SNTG1: variants seen among roughly 807,000 people sequenced by gnomAD.
SNTG1 encodes the protein gamma-1-syntrophin.
Under a neutral mutation model 74.7 loss-of-function variants are expected in SNTG1, and 39 were observed. That is an observed-to-expected ratio of 0.52 (90% confidence interval 0.40 to 0.68). The LOEUF is 0.68. Ranked by LOEUF, SNTG1 falls within the 30% of genes least tolerant of loss-of-function variation. The pLI, the probability that SNTG1 is intolerant of heterozygous loss-of-function variation, is 0.00. For synonymous variants in SNTG1, 254 were observed against 217.1 expected (o/e 1.17, Z -1.49); for missense variants, 685 against 609.5 (o/e 1.12, Z -1.30).
chr8:50,079,867 G>A (rs1447881561), intron 1 of SNTG1, among the ~76,000 whole-genome samples: 5 of 152,092 alleles, frequency 3.3e-5, no homozygotes, highest in Non-Finnish European at 5.9e-5. Flanking sequence ...TAGATGTGTG[G>A]TGTTATTTCT....
chr8:50,786,042 A>G (rs2095674164), intron 18 of SNTG1, among the ~76,000 whole-genome samples: 1 of 152,018 alleles, frequency 6.6e-6, no homozygotes, highest in Admixed American at 6.6e-5. Context: ...AAAAGGATGT[A>G]TGCCCTCCCC....
intron 1 of SNTG1, among the ~76,000 whole-genome samples, chr8:50,128,352 T>C (rs1185153258): frequency 1.3e-5 from 2 of 152,148 alleles, no homozygotes; most frequent in East Asian, 1.9e-4. Flanking sequence ...CTTGTAACAA[T>C]GGTTCTTGTC....
chr8:50,217,170 G>A (rs1328273727), intron 2 of SNTG1, among the ~76,000 whole-genome samples: 2 of 151,868 alleles, frequency 1.3e-5, no homozygotes, highest in African/African-American at 4.8e-5. Flanking sequence ...ACTTCATCAT[G>A]ATATGACTAC....
intron 1 of SNTG1, among the ~76,000 whole-genome samples, chr8:49,964,379 C>T (rs1048331591): frequency 1.3e-5 from 2 of 152,216 alleles, no homozygotes; most frequent in African/African-American, 4.8e-5. Context: ...TCATTCTCCA[C>T]AGTTGCATGA....
intron 8 of SNTG1, among the ~76,000 whole-genome samples, chr8:50,468,375 A>C (rs961591072): frequency 6.6e-6 from 1 of 151,862 alleles, no homozygotes; most frequent in African/African-American, 2.4e-5. Flanking sequence ...TTAATTCCTC[A>C]CTTAATCATT....
At chr8:50,143,465 A>G (rs1302155255) in intron 1 of SNTG1, among the ~76,000 whole-genome samples, 1 of 152,252 alleles carries the variant, frequency 6.6e-6, no homozygotes, top group Non-Finnish European at 1.5e-5. Context: ...AGGGTGACAA[A>G]TAGTAACTGG....
intron 15 of SNTG1, among the ~76,000 whole-genome samples, chr8:50,671,006 C>T (rs912560910): frequency 6.6e-6 from 1 of 150,648 alleles, no homozygotes; most frequent in Non-Finnish European, 1.5e-5. Context: ...AAAGCTGAAA[C>T]TGGATCCCTT....
chr8:50,634,694 G>A (rs1322271143), intron 13 of SNTG1, among the ~76,000 whole-genome samples: 1 of 151,938 alleles, frequency 6.6e-6, no homozygotes, highest in Non-Finnish European at 1.5e-5. Flanking sequence ...TTTTGCTTGT[G>A]CACATTGGTG....
intron 2 of SNTG1, among the ~76,000 whole-genome samples, chr8:50,354,101 T>C (rs1169421059): frequency 3.9e-5 from 6 of 152,196 alleles, no homozygotes; most frequent in African/African-American, 1.4e-4. Context: ...CTGTGCCTTC[T>C]TGTCCATATC....
chr8:50,000,059 A>G (rs1563452395), intron 1 of SNTG1, among the ~76,000 whole-genome samples: 1 of 152,142 alleles, frequency 6.6e-6, no homozygotes, highest in Admixed American at 6.6e-5. Flanking sequence ...TAAGGCCAAG[A>G]GAAAGTCTGT....
At chr8:50,231,238 A>T (rs1004945658) in intron 2 of SNTG1, among the ~76,000 whole-genome samples, 2 of 151,294 alleles carry the variant, frequency 1.3e-5, no homozygotes, top group Non-Finnish European at 3.0e-5. Flanking sequence ...AAAGACAAGC[A>T]TTGGCACAGA....
chr8:50,062,607 TA>T lies in SNTG1; in HGVS notation c.-102-109953del, dbSNP rs1365552574. ...TAATGTTCACAAGCTAAATATTTTT[TA>T]TTTTTTTTACTCACAACCTACTTGT... On this transcript the variant is annotated intron_variant, in intron 1 of 18. Coordinates refer to ENST00000642720, the MANE Select transcript of SNTG1 (RefSeq NM_018967.5). 9.8e-5 allele frequency among the ~76,000 whole-genome samples: 15 copies of T among 152,334 alleles called. No homozygotes were observed. In the East Asian group the frequency reaches 2.5e-3, roughly 25 times the overall value.
intron 2 of SNTG1, among the ~76,000 whole-genome samples, chr8:50,276,407 AT>A (rs1264652417): frequency 9.8e-5 from 14 of 143,246 alleles, no homozygotes; most frequent in African/African-American, 2.8e-4. Context: ...ATATATATAT[AT>A]AAATCATATA....
At chr8:50,402,061 G>A (rs547138336) in intron 3 of SNTG1, 149 bp from the exon 4 acceptor site, 32 of 698,706 alleles carry the variant, frequency 4.6e-5, no homozygotes, top group East Asian at 2.0e-4. Flanking sequence ...TTGCACCCAC[G>A]TTAAGTATTC....
intron 2 of SNTG1, among the ~76,000 whole-genome samples, chr8:50,340,918 TA>T (rs1381759871): frequency 2.6e-5 from 4 of 151,946 alleles, no homozygotes; most frequent in Non-Finnish European, 5.9e-5. Flanking sequence ...GAGTTCAAAG[TA>T]AAGCACAAAT....
intron 1 of SNTG1, chr8:50,163,417 T>TG (rs1173821917): frequency 3.4e-5 from 5 of 147,848 alleles, no homozygotes; most frequent in African/African-American, 1.3e-4. Context: ...AATTCCAAGT[T>TG]TTTTTTTTTT....
chr8:50,623,363 T>C (rs1320728463), intron 13 of SNTG1, among the ~76,000 whole-genome samples: 1 of 152,128 alleles, frequency 6.6e-6, no homozygotes, highest in Non-Finnish European at 1.5e-5. Context: ...CTATGTCCAG[T>C]TTTTTGATTG....
chr8:50,505,770 T>C (rs570561847), intron 9 of SNTG1, among the ~76,000 whole-genome samples: 1 of 152,266 alleles, frequency 6.6e-6, no homozygotes, highest in East Asian at 1.9e-4. Context: ...TTACCAGACA[T>C]ATGGTTTGAA....
At chr8:50,375,826 G>T (rs189062241) in intron 2 of SNTG1, among the ~76,000 whole-genome samples, 29 of 152,280 alleles carry the variant, frequency 1.9e-4, no homozygotes, top group Middle Eastern at 6.8e-3. Flanking sequence ...ATGCATGGGA[G>T]GCACCCAGGG....
Sources: gnomAD v4.1 joint callset for allele counts (sites outside exome capture counted in the v4.1 genomes callset) on GRCh38, gnomAD v4.1.1 for gene constraint, MANE v1.5 for transcripts, NCBI Gene and HGNC (gene_info 2026-07-23, HGNC 2026-07-21) for gene names.